The following FANK1 variants were observed in gnomAD, a reference collection of about 807,000 sequenced individuals.
FANK1 encodes the protein fibronectin type 3 and ankyrin repeat domains protein 1.
In FANK1, 44 loss-of-function variants were observed where a neutral mutation model predicts 45.3. The ratio of observed to expected loss-of-function variants is 0.97; its 90% CI spans 0.76 to 1.25. The LOEUF is 1.25. Ranked by LOEUF, FANK1 falls within the 50% of genes most tolerant of loss-of-function variation. The probability of loss-of-function intolerance (pLI) is 0.00; values close to 1 mark genes in which losing one functional copy is unlikely to be tolerated. For synonymous variants in FANK1, 149 were observed against 152.5 expected, an observed-to-expected ratio of 0.98 and a Z score of 0.17; for missense variants, 391 against 424.4, an observed-to-expected ratio of 0.92 and a Z score of 0.69.
intron 1 of FANK1, among the ~76,000 whole-genome samples, chr10:125,948,394 G>T (rs1948961895): frequency 6.6e-6 from 1 of 151,896 alleles, no homozygotes; most frequent in African/African-American, 2.4e-5. Context: ...AAAAAGAGAA[G>T]AATCAAATAG....
chr10:125,970,696 C>A (rs1303017032), intron 1 of FANK1, among the ~76,000 whole-genome samples: 2 of 152,194 alleles, frequency 1.3e-5, no homozygotes, highest in Non-Finnish European at 2.9e-5. Flanking sequence ...CGCCTGCAAT[C>A]CCAGGCACTC....
chr10:125,918,996 G>C (rs111671775), intron 1 of FANK1, among the ~76,000 whole-genome samples: 2 of 151,824 alleles, frequency 1.3e-5, no homozygotes, highest in Non-Finnish European at 1.5e-5. Context: ...AAGGGAAGGA[G>C]TCTCTGGGTT....
At chr10:125,994,749 G>A (rs1952192987) in intron 3 of FANK1, 1 of 985,246 alleles carries the variant, frequency 1.0e-6, no homozygotes. Flanking sequence ...CCGCCTGCCT[G>A]TTGGCTTCGC....
At chr10:125,948,455 C>T (rs1327103340) in intron 1 of FANK1, among the ~76,000 whole-genome samples, 1 of 152,148 alleles carries the variant, frequency 6.6e-6, no homozygotes, top group Non-Finnish European at 1.5e-5. Context: ...CACAGAAATA[C>T]AAACTACCAT....
intron 2 of FANK1, chr10:125,981,044 G>C (rs1478220712): frequency 6.6e-6 from 1 of 152,326 alleles, no homozygotes; most frequent in Non-Finnish European, 1.5e-5. Context: ...TTGTTTACTT[G>C]TTTACTTCTT....
In FANK1 at chr10:126,008,511, T is replaced by C. The variant is rs750344100; in HGVS notation, c.810T>C (p.Asn270=). Residue 270 remains asparagine (N), a synonymous_variant, in exon 8 of 11, where the codon AAT becomes AAC. Transcript: ENST00000368693. The part of the protein sequence containing the change: ...VASLLIDAGA[N]VNVKDRNGKT... ...CTCTTCTAATTGATGCTGGGGCCAA[T>C]GTGAATGTGAAGGACAGAAATGGAA... The C allele has an allele frequency of 3.1e-6, 5 of 1,613,362 alleles. No homozygotes were observed. The highest frequency in any genetic ancestry group is 4.2e-6 in the Non-Finnish European group (5 of 1,179,770).
At chr10:125,907,689 T>G (rs200664355) in intron 1 of FANK1, among the ~76,000 whole-genome samples, 1 of 151,804 alleles carries the variant, frequency 6.6e-6, no homozygotes, top group Non-Finnish European at 1.5e-5. Flanking sequence ...ATAGACATAT[T>G]GCTAGCATGC....
At chr10:125,917,053 T>C (rs1018943278) in intron 1 of FANK1, among the ~76,000 whole-genome samples, 47 of 152,146 alleles carry the variant, frequency 3.1e-4, no homozygotes, top group Non-Finnish European at 6.3e-4. Context: ...CATCAAACTG[T>C]TAAAAATTAT....
chr10:125,978,765 T>C (rs1202821300), intron 1 of FANK1, among the ~76,000 whole-genome samples: 1 of 152,204 alleles, frequency 6.6e-6, no homozygotes. Flanking sequence ...GCAATGCCGC[T>C]ACTGGTAGCT....
intron 1 of FANK1, among the ~76,000 whole-genome samples, chr10:125,936,771 T>C (rs912999597): frequency 1.3e-5 from 2 of 152,146 alleles, no homozygotes; most frequent in Admixed American, 1.3e-4. Context: ...TTGGCTATTA[T>C]GAATAGTACC....
intron 1 of FANK1, among the ~76,000 whole-genome samples, chr10:125,964,186 C>CTTTTTTTTTT (rs71486557): frequency 6.4e-5 from 5 of 78,430 alleles, no homozygotes; most frequent in African/African-American, 1.6e-4. Context: ...TTCTCTCTCT[C>CTTTTTTTTTT]TTTTTTTTTT....
In FANK1 at chr10:125,900,911, A is replaced by G. The variant is rs576315469; in HGVS notation, c.13+4256A>G. On this transcript the variant is annotated intron_variant, in intron 1 of 10. Transcript: ENST00000368693. Reference sequence around the variant, plus strand: ...GTGATCCACCCGCCTCGGCCTCCCAAAGTGCTGGGATTATAGGCGTGTGCC... The same window carrying G: ...GTGATCCACCCGCCTCGGCCTCCCAGAGTGCTGGGATTATAGGCGTGTGCC... Among the ~76,000 whole-genome samples, 6 of 151,802 alleles carry G rather than the reference A, an allele frequency of 4.0e-5. No individual in the cohort carries two copies. In the East Asian group the frequency reaches 1.2e-3, roughly 29 times the overall value.
At chr10:125,924,954 A>T (rs1947242027) in intron 1 of FANK1, among the ~76,000 whole-genome samples, 1 of 141,132 alleles carries the variant, frequency 7.1e-6, no homozygotes, top group African/African-American at 2.6e-5. Context: ...ACTTTTAGAA[A>T]GTTTCTAAAA....
intron 1 of FANK1, among the ~76,000 whole-genome samples, chr10:125,946,401 A>G (rs1273692788): frequency 6.6e-6 from 1 of 150,988 alleles, no homozygotes; most frequent in Non-Finnish European, 1.5e-5. Flanking sequence ...ACCAATACAG[A>G]GAAGTGCTTA....
At chr10:125,981,515 A>T (rs112760894) in intron 2 of FANK1, among the ~76,000 whole-genome samples, 1 of 146,738 alleles carries the variant, frequency 6.8e-6, no homozygotes, top group African/African-American at 2.5e-5. Flanking sequence ...AAAAAAAAAA[A>T]GTTATGTTTT....
intron 1 of FANK1, among the ~76,000 whole-genome samples, chr10:125,909,117 G>C (rs1945780854): frequency 6.6e-6 from 1 of 152,200 alleles, no homozygotes; most frequent in South Asian, 2.1e-4. Context: ...AACTTCTGTA[G>C]GGTTGCTTGA....
At chr10:125,967,252 G>C (rs1446370879) in intron 1 of FANK1, among the ~76,000 whole-genome samples, 7 of 152,182 alleles carry the variant, frequency 4.6e-5, no homozygotes. Flanking sequence ...CACGCCGCTG[G>C]AGTTGGGCTC....
intron 1 of FANK1, among the ~76,000 whole-genome samples, chr10:125,976,276 A>C (rs1950847691): frequency 6.6e-6 from 1 of 152,176 alleles, no homozygotes; most frequent in South Asian, 2.1e-4. Flanking sequence ...GGAAAACCTG[A>C]CAATTATGTG....
At chr10:126,002,249 T>G (rs1952820518) in intron 6 of FANK1, among the ~76,000 whole-genome samples, 1 of 151,898 alleles carries the variant, frequency 6.6e-6, no homozygotes, top group Non-Finnish European at 1.5e-5. Context: ...GAGGCGGAGG[T>G]TGCAGTGAGC....
Sources: allele counts gnomAD v4.1 joint callset (sites outside exome capture counted in the v4.1 genomes callset), GRCh38; gene constraint gnomAD v4.1.1; transcripts MANE v1.5; gene names NCBI Gene and HGNC (gene_info 2026-07-23, HGNC 2026-07-21).